The following MTMR3 variants were observed in gnomAD, a reference collection of about 807,000 sequenced individuals.
MTMR3 encodes the protein phosphatidylinositol-3,5-bisphosphate 3-phosphatase MTMR3.
MTMR3 carries 32 observed loss-of-function variants against 132.4 expected under a neutral mutation model. The observed-to-expected ratio is 0.24, with a 90% CI of 0.18 to 0.32. The LOEUF (loss-of-function observed/expected upper bound fraction) is 0.32, where lower values mean the gene tolerates loss of function less well. MTMR3 is among the 10% of genes least tolerant of loss of function. The pLI is 1.00. For synonymous variants in MTMR3, 556 were observed against 550.3 expected (o/e 1.01, Z -0.14); for missense variants, 1,216 against 1,489.6 (o/e 0.82, Z 3.02).
At chr22:29,947,377 G>A (rs2145824047) in intron 1 of MTMR3, among the ~76,000 whole-genome samples, 1 of 151,706 alleles carries the variant, frequency 6.6e-6, no homozygotes, top group East Asian at 1.9e-4. Context: ...TAGTACTTAA[G>A]TTTTTGATGT....
rs10212055 is a variant in MTMR3, at chr22:30,026,425, C to T, written c.*624C>T. ...ACACGGTAAATGGCATCCCCTTAGGCGCCTCTTTGGGAAAGGAAAGTGGAT... is the reference window on the plus strand; with the variant it reads ...ACACGGTAAATGGCATCCCCTTAGGTGCCTCTTTGGGAAAGGAAAGTGGAT... On this transcript the variant is annotated 3_prime_UTR_variant, in exon 20 of 20. Transcript: ENST00000401950. 2,839 of 152,574 alleles carry T rather than the reference C, an allele frequency of 0.019. 44 individuals carry two copies. Among genetic ancestry groups the T allele is most frequent in the Middle Eastern group, 0.041 (12 of 294 alleles). 9.5% of individuals were successfully genotyped at this position (152,574 alleles called of 1,614,324 possible). A position where few individuals can be genotyped will look rare whatever the true frequency, so the allele number is the denominator to read the frequency against.
chr22:29,969,691 C>G (rs2066495410), intron 2 of MTMR3, among the ~76,000 whole-genome samples: 1 of 151,948 alleles, frequency 6.6e-6, no homozygotes, highest in South Asian at 2.1e-4. Flanking sequence ...CCCCCATGCC[C>G]TGCTAATTTT....
intron 1 of MTMR3, among the ~76,000 whole-genome samples, chr22:29,944,000 G>A (rs1367832234): frequency 6.6e-6 from 1 of 151,304 alleles, no homozygotes; most frequent in Non-Finnish European, 1.5e-5. Flanking sequence ...ATTTTTTTTT[G>A]TAGAGATGGG....
At chr22:29,966,726 C>CGTGTGTGTGTGTGTGT (rs55960706) in intron 2 of MTMR3, among the ~76,000 whole-genome samples, 4 of 142,856 alleles carry the variant, frequency 2.8e-5, no homozygotes, top group African/African-American at 7.7e-5. Context: ...TAGGGGTGTG[C>CGTGTGTGTGTGTGTGT]GTGTGTGTGT....
In MTMR3 at chr22:30,029,368, A is replaced by AAAG. The variant is rs2067971689; in HGVS notation, c.*3568_*3570dup. On this transcript the variant is annotated 3_prime_UTR_variant, in exon 20 of 20. Coordinates refer to ENST00000401950, the MANE Select transcript of MTMR3 (RefSeq NM_021090.4). Reference sequence around the variant, plus strand: ...GAGATTCTCTATGAGGATGTACAGAAAAGTTTTCCTGTAATAATTTTGCTT... The same window carrying AAAG: ...GAGATTCTCTATGAGGATGTACAGAAAAGAAGTTTTCCTGTAATAATTTTGCTT... The AAAG allele has an allele frequency of 6.6e-6, 1 of 152,374 alleles. No individual in the cohort carries two copies. The highest frequency in any genetic ancestry group is 2.1e-4 in the South Asian group (1 of 4,828). The allele number at this position is 152,374 out of a possible 1,614,324, so 9.4% of individuals were successfully genotyped here.
At chr22:29,921,365 G>A (rs1227656860) in intron 1 of MTMR3, among the ~76,000 whole-genome samples, 1 of 152,164 alleles carries the variant, frequency 6.6e-6, no homozygotes, top group African/African-American at 2.4e-5. Context: ...TTAGGGATGT[G>A]CCCTCATAAC....
At chr22:29,956,780 G>T (rs534056736) in intron 1 of MTMR3, among the ~76,000 whole-genome samples, 1 of 152,278 alleles carries the variant, frequency 6.6e-6, no homozygotes, top group African/African-American at 2.4e-5. Flanking sequence ...AAGCCTCTCT[G>T]TGGGGTTTGA....
At chr22:29,994,226 T>C in intron 7 of MTMR3, 1 of 786,996 alleles carries the variant, frequency 1.3e-6, no homozygotes, top group Non-Finnish European at 1.5e-6. Context: ...GCATTTTGTT[T>C]CTTCCCAGTA....
At chr22:29,898,394 C>T (rs1338975938) in intron 1 of MTMR3, among the ~76,000 whole-genome samples, 2 of 152,110 alleles carry the variant, frequency 1.3e-5, no homozygotes, top group African/African-American at 2.4e-5. Flanking sequence ...GTAAGCATAG[C>T]ACCCACTAGA....
Position 30,019,795 on chromosome 22 carries a change from T to C in MTMR3, c.2136T>C (p.Ile712=), listed in dbSNP as rs1569053951. 3 of 1,613,986 alleles carry C rather than the reference T, an allele frequency of 1.9e-6. No homozygotes were observed. In the Admixed American group the frequency reaches 5.0e-5, roughly 27 times the overall value. Residue 712 remains isoleucine, a synonymous_variant, in exon 17 of 20, where the codon ATT becomes ATC. Coordinates refer to ENST00000401950, the MANE Select transcript of MTMR3 (RefSeq NM_021090.4). ...GVEEPAHRAG[I]EIQEGKEDPL... is the part of the protein sequence containing the mutation. Reference sequence around the variant, plus strand: ...AGGAACCTGCCCACAGGGCAGGCATTGAGATACAGGAGGGTAAAGAGGACC... The same window carrying C: ...AGGAACCTGCCCACAGGGCAGGCATCGAGATACAGGAGGGTAAAGAGGACC...
At chr22:29,969,732 A>G (rs898535537) in intron 2 of MTMR3, among the ~76,000 whole-genome samples, 6 of 151,844 alleles carry the variant, frequency 4.0e-5, no homozygotes, top group East Asian at 3.9e-4. Flanking sequence ...GGGTTTCACT[A>G]TGTTGGCCAG....
intron 1 of MTMR3, among the ~76,000 whole-genome samples, chr22:29,892,314 G>T (rs776832793): frequency 7.9e-5 from 12 of 152,114 alleles, no homozygotes; most frequent in Non-Finnish European, 1.6e-4. Context: ...ATTTCTTCTA[G>T]ATATGAAGAA....
chr22:29,967,193 T>TTGTGTG (rs10680622), intron 2 of MTMR3, among the ~76,000 whole-genome samples: 6,099 of 141,920 alleles, frequency 0.043, 141 homozygotes, highest in Non-Finnish European at 0.044. Context: ...TTCACCTCTG[T>TTGTGTG]TGTGTGTGTG....
intron 1 of MTMR3, among the ~76,000 whole-genome samples, chr22:29,954,235 C>A (rs2066144227): frequency 6.6e-6 from 1 of 151,588 alleles, no homozygotes; most frequent in Non-Finnish European, 1.5e-5. Flanking sequence ...ATGTGTGCCA[C>A]CATGGCTGGC....
intron 1 of MTMR3, among the ~76,000 whole-genome samples, chr22:29,945,946 G>A (rs1602533130): frequency 6.6e-6 from 1 of 152,114 alleles, no homozygotes; most frequent in Admixed American, 6.6e-5. Flanking sequence ...GACTACGACA[G>A]GGAGTGTTAA....
chr22:29,987,640 G>GA (rs2066884392), intron 5 of MTMR3: 1 of 152,238 alleles, frequency 6.6e-6, no homozygotes, highest in Admixed American at 6.5e-5. Context: ...TTATCCTGAA[G>GA]ATTTGGCACC....
chr22:29,912,671 G>A (rs1375699961), intron 1 of MTMR3, among the ~76,000 whole-genome samples: 3 of 152,254 alleles, frequency 2.0e-5, no homozygotes, highest in South Asian at 2.1e-4. Flanking sequence ...TAATGCATTA[G>A]GTGAGAATGA....
intron 1 of MTMR3, among the ~76,000 whole-genome samples, chr22:29,926,876 A>G (rs908729399): frequency 1.3e-5 from 2 of 152,164 alleles, no homozygotes; most frequent in African/African-American, 4.8e-5. Context: ...TAGCCACTAA[A>G]TGCTTTTGGT....
chr22:29,936,069 G>C (rs1473949082), intron 1 of MTMR3, among the ~76,000 whole-genome samples: 2 of 151,954 alleles, frequency 1.3e-5, no homozygotes, highest in African/African-American at 2.4e-5. Context: ...CCACTTTTAG[G>C]GGAAAAGTTT....
Sources: allele counts gnomAD v4.1 joint callset (sites outside exome capture counted in the v4.1 genomes callset), GRCh38; gene constraint gnomAD v4.1.1; transcripts MANE v1.5; gene names NCBI Gene and HGNC (gene_info 2026-07-23, HGNC 2026-07-21).